The following CDH23 variants were observed in gnomAD, a reference collection of about 807,000 sequenced individuals.
The protein encoded by CDH23 is cadherin-23.
Under a neutral mutation model 317.1 loss-of-function variants are expected in CDH23, and 189 were observed. The ratio of observed to expected loss-of-function variants is 0.60; its 90% CI spans 0.53 to 0.67. The LOEUF (loss-of-function observed/expected upper bound fraction) is 0.67. CDH23 is among the 30% of genes least tolerant of loss of function. The pLI is 0.00. For missense variants in CDH23, 4,401 were observed against 4,592.4 expected, an observed-to-expected ratio of 0.96 and a Z score of 1.20; for synonymous variants, 1,839 against 1,876.8, an observed-to-expected ratio of 0.98 and a Z score of 0.52.
At chr10:71,537,641 TCTC>T (rs1855771916) in intron 6 of CDH23, among the ~76,000 whole-genome samples, 1 of 152,004 alleles carries the variant, frequency 6.6e-6, no homozygotes, top group African/African-American at 2.4e-5. Context: ...GCTTTTGGTT[TCTC>T]CTCCTGCCTG....
At chr10:71,456,754 A>G (rs1850716861) in intron 3 of CDH23, among the ~76,000 whole-genome samples, 1 of 152,178 alleles carries the variant, frequency 6.6e-6, no homozygotes, top group Non-Finnish European at 1.5e-5. Flanking sequence ...GTTCATACAC[A>G]TTGCTTCGTT....
intron 1 of CDH23, among the ~76,000 whole-genome samples, chr10:71,398,731 G>A (rs1369765785): frequency 6.6e-6 from 1 of 152,136 alleles, no homozygotes; most frequent in Non-Finnish European, 1.5e-5. Flanking sequence ...TGGGGGAATA[G>A]CAAGGCTTGG....
chr10:71,607,661 T>C (rs1266160433), intron 9 of CDH23, among the ~76,000 whole-genome samples: 5 of 152,138 alleles, frequency 3.3e-5, no homozygotes, highest in Admixed American at 1.3e-4. Flanking sequence ...CCAGCACTTT[T>C]GGAGGCCGAG....
chr10:71,601,515 G>A (rs183558637), intron 9 of CDH23, among the ~76,000 whole-genome samples: 4 of 152,290 alleles, frequency 2.6e-5, no homozygotes, highest in Non-Finnish European at 5.9e-5. Flanking sequence ...GCTGAGGTTC[G>A]AACCCTGGTC....
chr10:71,406,763 C>T (rs528169126), intron 1 of CDH23, among the ~76,000 whole-genome samples: 2 of 152,188 alleles, frequency 1.3e-5, no homozygotes, highest in African/African-American at 4.8e-5. Context: ...GTCATTGAAC[C>T]CTTACTGTGT....
chr10:71,698,815 G>T (rs1281270766), intron 22 of CDH23, among the ~76,000 whole-genome samples: 1 of 152,178 alleles, frequency 6.6e-6, no homozygotes, highest in Non-Finnish European at 1.5e-5. Context: ...TAGGCTATTT[G>T]CTTATTAAGA....
chr10:71,555,456 G>A (rs10999878), intron 6 of CDH23, among the ~76,000 whole-genome samples: 50 of 152,316 alleles, frequency 3.3e-4, no homozygotes, highest in East Asian at 2.5e-3. Flanking sequence ...GAACTTTGGT[G>A]CCACTTTGAC....
At chr10:71,561,455 G>A (rs1018745983) in intron 6 of CDH23, among the ~76,000 whole-genome samples, 1 of 152,078 alleles carries the variant, frequency 6.6e-6, no homozygotes, top group African/African-American at 2.4e-5. Flanking sequence ...GGAGAGGCCT[G>A]GAGTGTAATG....
rs199866703 is a variant in CDH23 at position 71,725,449 on chromosome 10, C to T, written c.3508C>T (p.Arg1170Trp). 184 of 1,614,018 alleles carry T rather than the reference C, an allele frequency of 1.1e-4. 1 individual carries two copies. The African/African-American group carries it at 1.3e-3, about 11-fold the overall frequency. The change falls in exon 30 of 70, where the codon CGG becomes TGG. Residue 1170 changes from arginine to tryptophan, a missense_variant. Physicochemically the swap from Arg to Trp is moderately radical, Grantham distance 101. Coordinates refer to ENST00000224721, the MANE Select transcript of CDH23 (RefSeq NM_022124.6). ...AGGGCCCCGGCCCCTGGACCGGGAG[C>T]GGAACTCATCCCACGTGCTGATAGT... is the stretch of plus-strand genomic sequence containing the variant. ...MRGPRPLDRE[R>W]NSSHVLIVEA...
At chr10:71,419,537 T>C (rs938837530) in intron 1 of CDH23, among the ~76,000 whole-genome samples, 8 of 152,088 alleles carry the variant, frequency 5.3e-5, no homozygotes, top group Admixed American at 4.6e-4. Context: ...GGTTTTGAAT[T>C]CTCCTAATTT....
At chr10:71,592,862 T>A (rs1324607580) in intron 9 of CDH23, among the ~76,000 whole-genome samples, 1 of 152,326 alleles carries the variant, frequency 6.6e-6, no homozygotes, top group African/African-American at 2.4e-5. Flanking sequence ...ACCTGGGCCA[T>A]GATGTCTACA....
intron 3 of CDH23, among the ~76,000 whole-genome samples, chr10:71,498,616 G>T (rs1437753639): frequency 6.6e-6 from 1 of 152,228 alleles, no homozygotes; most frequent in African/African-American, 2.4e-5. Flanking sequence ...TTTGCTGAGG[G>T]AATCAGTGGA....
chr10:71,633,776 A>G (rs7071531), intron 11 of CDH23, among the ~76,000 whole-genome samples: 10,216 of 152,196 alleles, frequency 0.067, 1,129 homozygotes, highest in African/African-American at 0.23. Context: ...GAGGGCAGAC[A>G]GTTTGCACGA....
chr10:71,707,661 C>T (rs989680791), intron 26 of CDH23, among the ~76,000 whole-genome samples: 8 of 152,148 alleles, frequency 5.3e-5, no homozygotes, highest in African/African-American at 1.7e-4. Flanking sequence ...GTTTGCCATT[C>T]CTGGATGAGA....
intron 1 of CDH23, among the ~76,000 whole-genome samples, chr10:71,414,638 G>A: frequency 1.4e-5 from 1 of 70,660 alleles, no homozygotes; most frequent in South Asian, 4.5e-4. Context: ...TTTTTCATCT[G>A]TGTTCATGTG....
chr10:71,796,435 T>G (rs776953890), intron 48 of CDH23, among the ~76,000 whole-genome samples: 29 of 152,116 alleles, frequency 1.9e-4, no homozygotes, highest in Non-Finnish European at 3.5e-4. Flanking sequence ...TGTCCCACAA[T>G]CAGCCCATGT....
intron 9 of CDH23, among the ~76,000 whole-genome samples, chr10:71,591,024 A>G (rs191003458): frequency 1.0e-3 from 152 of 152,260 alleles, no homozygotes; most frequent in African/African-American, 3.5e-3. Context: ...ACAAGACTAT[A>G]TAAATGGAAA....
intron 3 of CDH23, among the ~76,000 whole-genome samples, chr10:71,491,735 C>G (rs1852671949): frequency 6.6e-6 from 1 of 152,124 alleles, no homozygotes; most frequent in African/African-American, 2.4e-5. Flanking sequence ...GTAAAGAGGT[C>G]TTCATAGCAA....
chr10:71,682,310 C>T (rs1864686177), intron 17 of CDH23, 135 bp from the exon 18 acceptor site: 2 of 1,141,574 alleles, frequency 1.8e-6, no homozygotes, highest in Non-Finnish European at 2.5e-6. Flanking sequence ...TGTTGAGGCT[C>T]CAGGTGTTCA....
Sources: allele counts gnomAD v4.1 joint callset (sites outside exome capture counted in the v4.1 genomes callset), GRCh38; gene constraint gnomAD v4.1.1; transcripts MANE v1.5; gene names NCBI Gene and HGNC (gene_info 2026-07-23, HGNC 2026-07-21).